Variants in ATP2C1 observed in about 807,000 individuals in gnomAD.
ATP2C1 encodes the protein ATPase secretory pathway Ca2+ transporting 1.
ATP2C1 carries 31 observed loss-of-function variants against 120.5 expected under a neutral mutation model. The observed-to-expected ratio is 0.26, with a 90% CI of 0.19 to 0.35. The LOEUF is 0.35. Ranked by LOEUF, ATP2C1 falls within the 10% of genes least tolerant of loss-of-function variation. The pLI is 1.00. For missense variants in ATP2C1, 731 were observed against 1,107.5 expected (o/e 0.66, Z 4.83); for synonymous variants, 351 against 358.7 (o/e 0.98, Z 0.24).
At chr3:130,853,492 A>G (rs2067741358) in intron 1 of ATP2C1, among the ~76,000 whole-genome samples, 1 of 152,182 alleles carries the variant, frequency 6.6e-6, no homozygotes, top group African/African-American at 2.4e-5. Context: ...GGGGAATATT[A>G]TAACAGAACA....
intron 1 of ATP2C1, among the ~76,000 whole-genome samples, chr3:130,865,689 T>C (rs2068151791): frequency 1.3e-5 from 2 of 152,238 alleles, no homozygotes; most frequent in Non-Finnish European, 2.9e-5. Context: ...TTTCTGCTTT[T>C]GCTTCTTCCT....
intron 20 of ATP2C1, among the ~76,000 whole-genome samples, chr3:130,983,028 C>G (rs925655812): frequency 1.4e-4 from 21 of 152,020 alleles, no homozygotes; most frequent in African/African-American, 5.1e-4. Context: ...TATTAGAAAA[C>G]ATGTTTTTAA....
chr3:130,895,992 A>G (rs1369992468), intron 2 of ATP2C1, among the ~76,000 whole-genome samples: 2 of 152,222 alleles, frequency 1.3e-5, no homozygotes, highest in Non-Finnish European at 2.9e-5. Context: ...TTTTGGTGAT[A>G]AGGAAAGTCA....
chr3:130,885,602 AT>A (rs2068947900), intron 1 of ATP2C1, among the ~76,000 whole-genome samples: 1 of 111,264 alleles, frequency 9.0e-6, no homozygotes, highest in African/African-American at 2.6e-5. Flanking sequence ...ACAAAAACAC[AT>A]TAAAAAAAAG....
chr3:130,948,813 A>G (rs2060252518), intron 8 of ATP2C1, among the ~76,000 whole-genome samples: 1 of 152,150 alleles, frequency 6.6e-6, no homozygotes, highest in Non-Finnish European at 1.5e-5. Context: ...CATTTTGGTA[A>G]TTCTCACAGT....
intron 3 of ATP2C1, among the ~76,000 whole-genome samples, chr3:130,931,759 T>A (rs1320630002): frequency 6.6e-6 from 1 of 152,114 alleles, no homozygotes; most frequent in Non-Finnish European, 1.5e-5. Flanking sequence ...ATTTGCATTT[T>A]GACAAATGTA....
rs982828920 is a variant in ATP2C1 at position 131,002,855 on chromosome 3, T to A, written c.*1505T>A. 1.0e-6 allele frequency: 1 copy of A among 985,752 alleles called. No homozygotes were observed. The highest frequency in any genetic ancestry group is 6.2e-5 in the Admixed American group (1 of 16,260). 61.1% of individuals were successfully genotyped at this position (985,752 alleles called of 1,614,324 possible). A position where few individuals can be genotyped will look rare whatever the true frequency, so the allele number is the denominator to read the frequency against. ...AGGCAGTTGAGTGTAAGGAGCTGGC[T>A]GCAGTTTATTCTACTTAACCCTTTA... On this transcript the variant is annotated 3_prime_UTR_variant, in exon 28 of 28. Transcript: ENST00000510168.
At chr3:130,971,543 A>G (rs769103930) in intron 17 of ATP2C1, among the ~76,000 whole-genome samples, 6 of 152,188 alleles carry the variant, frequency 3.9e-5, no homozygotes, top group Non-Finnish European at 7.4e-5. Flanking sequence ...ACATGACAAT[A>G]TATATTTATC....
At chr3:130,870,484 T>G (rs149222124) in intron 1 of ATP2C1, among the ~76,000 whole-genome samples, 1 of 152,304 alleles carries the variant, frequency 6.6e-6, no homozygotes, top group East Asian at 1.9e-4. Context: ...GGACAAAGTG[T>G]CAACATTAAC....
intron 2 of ATP2C1, among the ~76,000 whole-genome samples, chr3:130,923,497 G>A (rs1396135581): frequency 1.3e-4 from 19 of 151,966 alleles, no homozygotes; most frequent in Non-Finnish European, 2.5e-4. Context: ...GGTTACAGGC[G>A]TGAGCCACCA....
chr3:131,016,697 T>G, downstream of ATP2C1: 1 of 326,270 alleles, frequency 3.1e-6, no homozygotes, highest in South Asian at 2.7e-5. Context: ...CTCTTTACTG[T>G]TCTCTTTCAC....
At chr3:130,962,329 G>A (rs1476826615) in intron 12 of ATP2C1, among the ~76,000 whole-genome samples, 1 of 151,892 alleles carries the variant, frequency 6.6e-6, no homozygotes, top group Non-Finnish European at 1.5e-5. Context: ...AACACAATTG[G>A]GAGCCATCAG....
At chr3:130,856,026 A>G (rs2067830245) in intron 1 of ATP2C1, 1 of 151,894 alleles carries the variant, frequency 6.6e-6, no homozygotes, top group Admixed American at 6.6e-5. Flanking sequence ...CTGATCTGAC[A>G]AGTCTTGCCT....
chr3:130,989,156 C>A (rs1456602891), intron 20 of ATP2C1, among the ~76,000 whole-genome samples: 2 of 148,780 alleles, frequency 1.3e-5, no homozygotes, highest in Non-Finnish European at 3.0e-5. Context: ...GAGGCTGAGG[C>A]AGAGAATTGC....
At chr3:130,973,182 T>G (rs1222247902) in intron 17 of ATP2C1, among the ~76,000 whole-genome samples, 2 of 152,150 alleles carry the variant, frequency 1.3e-5, no homozygotes, top group African/African-American at 4.8e-5. Context: ...TTTTATCAAC[T>G]AATGCTGGAA....
intron 1 of ATP2C1, among the ~76,000 whole-genome samples, chr3:130,853,987 A>C (rs1406727969): frequency 6.6e-6 from 1 of 152,296 alleles, no homozygotes; most frequent in East Asian, 1.9e-4. Context: ...CCTTGTTCAC[A>C]TATGCTTTAT....
chr3:130,979,316 TC>T lies in ATP2C1; in HGVS notation c.1640del (p.Pro547HisfsTer6). 1 of 1,613,726 alleles carries T rather than the reference TC, an allele frequency of 6.2e-7. No homozygotes were observed. The highest frequency in any genetic ancestry group is 8.5e-7 in the Non-Finnish European group (1 of 1,179,730). ...TTCTTGGCTTGGTGGGAATCATTGA[TC>T]CACCTAGAACTGGTGTGAAAGAAGC... is the stretch of plus-strand genomic sequence containing the variant. ...TFLGLVGIID[P>X]PRTGVKEAVT... On this transcript the variant is annotated frameshift_variant, in exon 19 of 28. Transcript: ENST00000510168. LOFTEE classifies it high-confidence loss of function.
chr3:130,981,124 T>A (rs2061739385), intron 20 of ATP2C1, among the ~76,000 whole-genome samples: 1 of 152,154 alleles, frequency 6.6e-6, no homozygotes, highest in South Asian at 2.1e-4. Flanking sequence ...CATGCAGTCT[T>A]GTGACCACCA....
intron 2 of ATP2C1, among the ~76,000 whole-genome samples, chr3:130,900,296 A>T (rs1291915193): frequency 1.3e-5 from 2 of 152,086 alleles, no homozygotes; most frequent in Non-Finnish European, 2.9e-5. Flanking sequence ...TCCTGGACTC[A>T]AGCAGTCTTA....
Sources: allele counts gnomAD v4.1 joint callset (sites outside exome capture counted in the v4.1 genomes callset), GRCh38; gene constraint gnomAD v4.1.1; transcripts MANE v1.5; gene names NCBI Gene and HGNC (gene_info 2026-07-23, HGNC 2026-07-21).